Variants in ANK2 observed in about 807,000 individuals in gnomAD.
ANK2 encodes the protein ankyrin 2, also known as ankyrin-2.
A neutral mutation model predicts 360.5 loss-of-function variants in ANK2; 83 were observed. That is an observed-to-expected ratio of 0.23 (90% CI 0.19 to 0.28). ANK2 has a LOEUF of 0.28. Among genes scored for constraint, ANK2 ranks in the 10% least tolerant of loss-of-function variants. The pLI is 1.00. For missense variants in ANK2, 4,201 were observed against 4,795.7 expected (o/e 0.88, Z 3.66); for synonymous variants, 1,740 against 1,759.5 (o/e 0.99, Z 0.28).
chr4:113,048,114 T>C (rs1486493398), upstream of ANK2, among the ~76,000 whole-genome samples: 4 of 151,588 alleles, frequency 2.6e-5, no homozygotes, highest in African/African-American at 9.7e-5. Context: ...GTTTAATCCT[T>C]ACTCTATTTT....
intron 4 of ANK2, among the ~76,000 whole-genome samples, chr4:113,229,680 G>A (rs1355035087): frequency 6.6e-6 from 1 of 152,146 alleles, no homozygotes; most frequent in Non-Finnish European, 1.5e-5. Context: ...TAATGGAGGA[G>A]CTGTGGGATC....
chr4:112,735,848 C>T, the ANK2 span, among the ~76,000 whole-genome samples: 5 of 152,180 alleles, frequency 3.3e-5, no homozygotes, highest in Admixed American at 1.3e-4. Context: ...ATTTCCTCCT[C>T]ATCCCAGCCC....
chr4:113,350,450 G>T, intron 37 of ANK2: 2 of 489,388 alleles, frequency 4.1e-6, no homozygotes, highest in Non-Finnish European at 7.3e-6. Flanking sequence ...CTAATTAGCA[G>T]TAAAATGCAA....
intron 1 of ANK2, chr4:112,880,252 C>T (rs555008021): frequency 6.6e-6 from 1 of 152,290 alleles, no homozygotes; most frequent in African/African-American, 2.4e-5. Flanking sequence ...TTTGTAATCT[C>T]TCCTTCCCCC....
At chr4:113,330,567 A>G (rs2092146727) in intron 27 of ANK2, 97 bp downstream of exon 27, 1 of 1,249,074 alleles carries the variant, frequency 8.0e-7, no homozygotes, top group Non-Finnish European at 1.1e-6. Flanking sequence ...ACGTCAAACC[A>G]TTTTGAAAGA....
intron 2 of ANK2, among the ~76,000 whole-genome samples, chr4:112,965,944 A>G (rs894391931): frequency 6.6e-6 from 1 of 151,870 alleles, no homozygotes; most frequent in Non-Finnish European, 1.5e-5. Context: ...ATAAAATTAT[A>G]AAATAATTTT....
intron 1 of ANK2, among the ~76,000 whole-genome samples, chr4:112,855,512 A>G (rs1010358220): frequency 4.2e-4 from 64 of 152,104 alleles, no homozygotes; most frequent in Non-Finnish European, 1.6e-4. Context: ...TTAGAGCACA[A>G]TTTTGTAGAA....
chr4:113,029,224 G>T (rs1460167583), intron 2 of ANK2, among the ~76,000 whole-genome samples: 1 of 151,864 alleles, frequency 6.6e-6, no homozygotes, highest in East Asian at 1.9e-4. Flanking sequence ...ATGATAGGAG[G>T]ATTCGTTTTT....
At chr4:112,800,204 C>A in the ANK2 span, among the ~76,000 whole-genome samples, 1 of 152,194 alleles carries the variant, frequency 6.6e-6, no homozygotes, top group Non-Finnish European at 1.5e-5. Context: ...GGGAAGAAGG[C>A]TGAGTCAGCA....
Position 112,993,500 on chromosome 4 carries a change from G to A in ANK2, c.21+88986G>A, listed in dbSNP as rs1228782804. Among the ~76,000 whole-genome samples the A allele has an allele frequency of 2.0e-5, 3 of 151,922 alleles. No homozygotes were observed. The East Asian group carries it at 5.9e-4, about 30-fold the overall frequency. On this transcript the variant is annotated intron_variant, in intron 2 of 30. Transcript: ENST00000503271. ...TTTTTGTATTTTTGGTAGAGACAGGGTTTCACCATTGTGGCCAGGCTGGTC... is the reference window on the plus strand; with the variant it reads ...TTTTTGTATTTTTGGTAGAGACAGGATTTCACCATTGTGGCCAGGCTGGTC...
chr4:112,800,803 C>T, the ANK2 span, among the ~76,000 whole-genome samples: 44 of 152,086 alleles, frequency 2.9e-4, 1 homozygote, highest in Admixed American at 2.7e-3. Context: ...TACAGGTGCC[C>T]GCCAATGCAG....
intron 29 of ANK2, 106 bp from the exon 30 acceptor site, chr4:113,335,740 T>C (rs2093439740): frequency 1.7e-6 from 2 of 1,195,296 alleles, no homozygotes; most frequent in Admixed American, 3.7e-5. Flanking sequence ...AAAATGTGTT[T>C]TGCTGGCACT....
rs2095630295 is a variant in ANK2 at position 113,354,640 on chromosome 4, A to G, written c.6022A>G (p.Thr2008Ala). The G allele has an allele frequency of 2.5e-6, 4 of 1,614,120 alleles. No individual in the cohort carries two copies. Among genetic ancestry groups the G allele is most frequent in the Non-Finnish European group, 3.4e-6 (4 of 1,180,006 alleles). ...QSGQDPSKHK[T>A]GLFEHKSAKQ... ...AGGTCAGGACCCTTCTAAACATAAAACTGGACTCTTTGAGCACAAATCAGC... is the reference window on the plus strand; with the variant it reads ...AGGTCAGGACCCTTCTAAACATAAAGCTGGACTCTTTGAGCACAAATCAGC... Residue 2008 changes from threonine to alanine, a missense_variant, in exon 38 of 46, where the codon ACT becomes GCT. Around this residue, in one of 4 missense-constraint regions of ANK2, gnomAD observed 2,642 missense variants for 2,714.5 expected, o/e 0.97. Coordinates refer to ENST00000357077, the MANE Select transcript of ANK2 (RefSeq NM_001148.6).
At chr4:112,875,039 CTTT>C (rs991553054) in intron 1 of ANK2, among the ~76,000 whole-genome samples, 1 of 140,758 alleles carries the variant, frequency 7.1e-6, no homozygotes. Flanking sequence ...TCCCTAATTA[CTTT>C]TTTTTTTTTT....
At chr4:113,267,133 G>T (rs1233449994) in intron 14 of ANK2, among the ~76,000 whole-genome samples, 1 of 152,142 alleles carries the variant, frequency 6.6e-6, no homozygotes, top group Non-Finnish European at 1.5e-5. Flanking sequence ...TAAGTTCCTT[G>T]TCGATTCTGG....
intron 41 of ANK2, 123 bp from the exon 42 acceptor site, chr4:113,367,443 C>A: frequency 1.1e-6 from 1 of 882,010 alleles, no homozygotes; most frequent in South Asian, 1.6e-5. Flanking sequence ...AATCCATGGG[C>A]CCATCTCAGG....
chr4:112,971,663 CT>C (rs1361693172), intron 2 of ANK2, among the ~76,000 whole-genome samples: 8 of 152,110 alleles, frequency 5.3e-5, no homozygotes, highest in African/African-American at 1.9e-4. Context: ...ACATTGGTTC[CT>C]TCAGCAAAGG....
intron 1 of ANK2, among the ~76,000 whole-genome samples, chr4:112,823,156 A>G (rs1424113513): frequency 1.3e-5 from 2 of 152,236 alleles, no homozygotes; most frequent in African/African-American, 4.8e-5. Context: ...TTTAATTACA[A>G]TTTTTGGAAA....
In ANK2 at chr4:112,819,927, C is replaced by T. The variant is rs966651445; in HGVS notation, c.-40+1663C>T. 2.0e-5 allele frequency among the ~76,000 whole-genome samples: 3 copies of T among 152,290 alleles called. No homozygotes were observed. In the South Asian group the frequency reaches 6.2e-4, roughly 32 times the overall value. On this transcript the variant is annotated intron_variant, in intron 1 of 30. Transcript: ENST00000503271. ...CTCCGTCTCTGCCTAGACCACACCC[C>T]CTTTTTTGGCCACATGCCTAAAACT...
Sources: allele counts gnomAD v4.1 joint callset (sites outside exome capture counted in the v4.1 genomes callset), GRCh38; gene constraint gnomAD v4.1.1; regional missense constraint gnomAD v4.1.1; transcripts MANE v1.5; gene names NCBI Gene and HGNC (gene_info 2026-07-23, HGNC 2026-07-21).